ZNF804B: variants seen among roughly 807,000 people sequenced by gnomAD.
ZNF804B encodes the protein zinc finger 804B.
Under a neutral mutation model 101.4 loss-of-function variants are expected in ZNF804B, and 80 were observed. The ratio of observed to expected loss-of-function variants is 0.79; its 90% CI spans 0.66 to 0.95. The LOEUF (loss-of-function observed/expected upper bound fraction) is 0.95, where lower values mean the gene tolerates loss of function less well. Ranked by LOEUF, ZNF804B falls within the 40% of genes least tolerant of loss-of-function variation. The pLI is 0.00. For missense variants in ZNF804B, 1,673 were observed against 1,561.9 expected, an observed-to-expected ratio of 1.07 and a Z score of -1.20; for synonymous variants, 622 against 558.8, an observed-to-expected ratio of 1.11 and a Z score of -1.59.
At chr7:88,973,029 C>T (rs550107388) in intron 1 of ZNF804B, among the ~76,000 whole-genome samples, 63 of 151,328 alleles carry the variant, frequency 4.2e-4, no homozygotes, top group African/African-American at 1.3e-3. Flanking sequence ...ACATAGATAT[C>T]CTGCAGTAAG....
intron 1 of ZNF804B, among the ~76,000 whole-genome samples, chr7:88,981,432 C>G (rs2116133574): frequency 6.6e-6 from 1 of 152,154 alleles, no homozygotes; most frequent in African/African-American, 2.4e-5. Flanking sequence ...GAAGGAATCT[C>G]TCTCCGAGCT....
intron 1 of ZNF804B, among the ~76,000 whole-genome samples, chr7:89,077,930 T>C (rs1018296364): frequency 1.3e-5 from 2 of 152,066 alleles, no homozygotes; most frequent in Non-Finnish European, 2.9e-5. Flanking sequence ...TTGTGCTCAC[T>C]CTTATTCAGG....
rs565910806 is a variant in ZNF804B at position 89,107,041 on chromosome 7, A to G, written c.109-111114A>G. On this transcript the variant is annotated intron_variant, in intron 1 of 3. Transcript: ENST00000333190. ...ATGGAGATGTTATTACAGTTGTTAAAGGCACAGTTATTAAAGGGAAAATGA... is the reference window on the plus strand; with the variant it reads ...ATGGAGATGTTATTACAGTTGTTAAGGGCACAGTTATTAAAGGGAAAATGA... Among the ~76,000 whole-genome samples the G allele has an allele frequency of 2.0e-5, 3 of 152,238 alleles. No homozygotes were observed. The South Asian group carries it at 6.2e-4, about 32-fold the overall frequency.
In ZNF804B at chr7:89,210,177, C is replaced by G. The variant is rs571781506; in HGVS notation, c.109-7978C>G. 3.3e-5 allele frequency among the ~76,000 whole-genome samples: 5 copies of G among 150,318 alleles called. No individual in the cohort carries two copies. The South Asian group carries it at 1.1e-3, about 32-fold the overall frequency. On this transcript the variant is annotated intron_variant, in intron 1 of 3. Transcript: ENST00000333190. ...AAAAAAAGAAAGAAATCAATCATAA[C>G]TTTGGAGAAATCAACATTAGTAATA... is the stretch of plus-strand genomic sequence containing the variant.
At chr7:89,286,898 A>C (rs1001901785) in intron 2 of ZNF804B, among the ~76,000 whole-genome samples, 1 of 152,158 alleles carries the variant, frequency 6.6e-6, no homozygotes, top group African/African-American at 2.4e-5. Flanking sequence ...AATTTACACT[A>C]GGTGTTCCGG....
At chr7:88,806,637 A>T (rs948265042) in intron 1 of ZNF804B, among the ~76,000 whole-genome samples, 1 of 149,592 alleles carries the variant, frequency 6.7e-6, no homozygotes, top group Non-Finnish European at 1.5e-5. Flanking sequence ...GTGTGTGTGT[A>T]TGTGTGTGTA....
At chr7:89,147,083 GTATATATATA>G (rs147620052) in intron 1 of ZNF804B, among the ~76,000 whole-genome samples, 1 of 140,180 alleles carries the variant, frequency 7.1e-6, no homozygotes, top group Non-Finnish European at 1.6e-5. Context: ...GGATAATCAG[GTATATATATA>G]TATATATATT....
intron 1 of ZNF804B, among the ~76,000 whole-genome samples, chr7:88,883,115 A>G (rs1792068004): frequency 6.6e-6 from 1 of 152,126 alleles, no homozygotes. Flanking sequence ...TAAACATGGT[A>G]GAGAATTGTC....
At chr7:88,854,792 C>A (rs2115840343) in intron 1 of ZNF804B, among the ~76,000 whole-genome samples, 1 of 118,676 alleles carries the variant, frequency 8.4e-6, no homozygotes, top group South Asian at 2.8e-4. Context: ...GTGTGATGTT[C>A]CCCTTCCTGT....
intron 2 of ZNF804B, among the ~76,000 whole-genome samples, chr7:89,318,999 A>T (rs1431289488): frequency 6.6e-6 from 1 of 152,202 alleles, no homozygotes; most frequent in Non-Finnish European, 1.5e-5. Context: ...GGATGGGCCG[A>T]CTTAATTGAA....
intron 1 of ZNF804B, among the ~76,000 whole-genome samples, chr7:88,919,213 A>G (rs917859261): frequency 3.3e-5 from 5 of 152,148 alleles, no homozygotes; most frequent in Admixed American, 1.3e-4. Flanking sequence ...CATGTAAACC[A>G]TTGATGATGC....
intron 1 of ZNF804B, among the ~76,000 whole-genome samples, chr7:88,882,978 C>A (rs1189207921): frequency 1.3e-5 from 2 of 152,004 alleles, no homozygotes; most frequent in Non-Finnish European, 2.9e-5. Flanking sequence ...TGTAACAAAT[C>A]TGCACATGTA....
At chr7:88,798,968 C>T (rs961278045) in intron 1 of ZNF804B, among the ~76,000 whole-genome samples, 1 of 152,048 alleles carries the variant, frequency 6.6e-6, no homozygotes, top group Non-Finnish European at 1.5e-5. Flanking sequence ...TATCCAAGTT[C>T]AAGTTCAAAC....
chr7:88,865,563 G>T (rs1217941099), intron 1 of ZNF804B, among the ~76,000 whole-genome samples: 10 of 152,040 alleles, frequency 6.6e-5, no homozygotes, highest in African/African-American at 2.2e-4. Flanking sequence ...ATACATAAAT[G>T]CATATATAAA....
intron 1 of ZNF804B, among the ~76,000 whole-genome samples, chr7:88,922,246 C>T (rs1311660903): frequency 6.6e-6 from 1 of 152,000 alleles, no homozygotes; most frequent in African/African-American, 2.4e-5. Flanking sequence ...GCTTTTACTA[C>T]TGGAAAAAGT....
At position 88,781,778 on chromosome 7, in the gene ZNF804B, C is replaced by G. The variant is rs574424813; in HGVS notation, c.108+21694C>G. The stretch of plus-strand genomic sequence containing the variant: ...TCAAATATGAAACCTGGGATTCTTT[C>G]TGCCATGTGTGAGTAGGTTCCTTTG... On this transcript the variant is annotated intron_variant, in intron 1 of 3. Transcript: ENST00000333190. 7.2e-5 allele frequency among the ~76,000 whole-genome samples: 11 copies of G among 152,226 alleles called. No individual in the cohort carries two copies. The East Asian group carries it at 2.1e-3, about 30-fold the overall frequency.
chr7:88,936,502 G>T (rs6959513), intron 1 of ZNF804B, among the ~76,000 whole-genome samples: 5,444 of 152,116 alleles, frequency 0.036, 211 homozygotes, highest in East Asian at 0.18. Context: ...GGGAAATGGG[G>T]GATGTAGGCA....
intron 1 of ZNF804B, among the ~76,000 whole-genome samples, chr7:88,907,628 T>TA (rs1584009990): frequency 6.6e-6 from 1 of 151,904 alleles, no homozygotes; most frequent in African/African-American, 2.4e-5. Context: ...ACTAACTAAG[T>TA]AGCCCAAAGT....
chr7:89,312,456 G>A (rs1008155990), intron 2 of ZNF804B, among the ~76,000 whole-genome samples: 1 of 152,188 alleles, frequency 6.6e-6, no homozygotes, highest in African/African-American at 2.4e-5. Flanking sequence ...CCAAGGAAGA[G>A]GATTAAGATG....
Sources: gnomAD v4.1 joint callset for allele counts (sites outside exome capture counted in the v4.1 genomes callset) on GRCh38, gnomAD v4.1.1 for gene constraint, MANE v1.5 for transcripts, NCBI Gene and HGNC (gene_info 2026-07-23, HGNC 2026-07-21) for gene names.